The following HEATR5B variants were observed in gnomAD, a reference collection of about 807,000 sequenced individuals.
HEATR5B encodes the protein HEAT repeat-containing protein 5B.
Under a neutral mutation model 224.1 loss-of-function variants are expected in HEATR5B, and 156 were observed. The observed-to-expected ratio is 0.70, with a 90% CI of 0.61 to 0.80. The LOEUF is 0.80. Among genes scored for constraint, HEATR5B ranks in the 30% least tolerant of loss-of-function variants. The pLI is 0.00. For missense variants in HEATR5B, 2,323 were observed against 2,535.5 expected, an observed-to-expected ratio of 0.92 and a Z score of 1.80; for synonymous variants, 1,027 against 893.0, an observed-to-expected ratio of 1.15 and a Z score of -2.68.
chr2:36,982,278 G>T (rs182978016), intron 35 of HEATR5B, among the ~76,000 whole-genome samples: 45 of 152,172 alleles, frequency 3.0e-4, no homozygotes, highest in Non-Finnish European at 4.0e-4. Flanking sequence ...CTCACAGTGA[G>T]GGGAAATTCC....
chr2:36,984,225 T>TATATATATATATAAA (rs1665795003), intron 35 of HEATR5B, among the ~76,000 whole-genome samples: 2 of 75,300 alleles, frequency 2.7e-5, no homozygotes, highest in African/African-American at 1.2e-4. Flanking sequence ...AATATATATA[T>TATATATATATATAAA]ATATATATAT....
At position 37,064,745 on chromosome 2, in the gene HEATR5B, C is replaced by T; in HGVS notation, c.1579G>A (p.Gly527Arg). ...GTCTAGGATCTCCGTCATACCTTTC[C>T]TTTGGCATGAGGAATGCCCAAAGGA... ...QCPLGIPHAKGKMVVSIAEDL... is the reference protein window; with the variant it reads ...QCPLGIPHAKRKMVVSIAEDL... Residue 527 changes from glycine to arginine, a missense_variant, in exon 10 of 36, where the codon GGA (glycine) becomes AGA (arginine). This residue lies in a region of HEATR5B where 502 missense variants were observed against 517.8 expected (regional missense o/e 0.97). Coordinates refer to ENST00000233099, the MANE Select transcript of HEATR5B (RefSeq NM_019024.3). The T allele has an allele frequency of 1.2e-6, 2 of 1,613,966 alleles. No individual in the cohort carries two copies. The highest frequency in any genetic ancestry group is 2.2e-5 in the South Asian group (2 of 91,068).
Position 36,988,822 on chromosome 2 carries a change from AAG to A in HEATR5B, c.5733_5734del (p.Phe1912ProfsTer21). Reference sequence around the variant, plus strand: ...TGAAAGGGCACGATTGGAATGCTGGAAGACTGAGAGGAGAAGCTGGTAACATT... The same window carrying A: ...TGAAAGGGCACGATTGGAATGCTGGAACTGAGAGGAGAAGCTGGTAACATT... On this transcript the variant is annotated frameshift_variant, in exon 35 of 36. Coordinates refer to ENST00000233099, the MANE Select transcript of HEATR5B (RefSeq NM_019024.3). LOFTEE classifies it high-confidence loss of function. The A allele has an allele frequency of 2.5e-6, 4 of 1,614,128 alleles. No individual in the cohort carries two copies. The highest frequency in any genetic ancestry group is 3.4e-6 in the Non-Finnish European group (4 of 1,179,998).
intron 19 of HEATR5B, 102 bp downstream of exon 19, chr2:37,041,031 T>C (rs1196801650): frequency 1.1e-6 from 1 of 880,884 alleles, no homozygotes; most frequent in Non-Finnish European, 1.7e-6. Context: ...CCCTAATATA[T>C]TTGTCCTAAC....
intron 35 of HEATR5B, among the ~76,000 whole-genome samples, chr2:36,982,561 T>A (rs34321547): frequency 6.6e-6 from 1 of 152,166 alleles, no homozygotes; most frequent in African/African-American, 2.4e-5. Context: ...TTAATTACTG[T>A]TAATTTTTGT....
At chr2:37,081,307 G>A (rs1456230521) in intron 2 of HEATR5B, among the ~76,000 whole-genome samples, 2 of 152,140 alleles carry the variant, frequency 1.3e-5, no homozygotes, top group Non-Finnish European at 2.9e-5. Context: ...TGCCATGTTG[G>A]TGTGCTGCAC....
intron 26 of HEATR5B, among the ~76,000 whole-genome samples, chr2:37,018,176 G>GA (rs1235007308): frequency 4.5e-4 from 61 of 136,224 alleles, no homozygotes; most frequent in Admixed American, 5.8e-4. Context: ...CCTGCCACTA[G>GA]AAAAAAAAAA....
chr2:37,030,283 A>C (rs923001338), intron 22 of HEATR5B, among the ~76,000 whole-genome samples: 1 of 152,234 alleles, frequency 6.6e-6, no homozygotes, highest in African/African-American at 2.4e-5. Context: ...AGAAAAAGTT[A>C]AATGAAAGGG....
intron 35 of HEATR5B, among the ~76,000 whole-genome samples, chr2:36,986,882 G>A (rs1665983738): frequency 6.6e-6 from 1 of 152,098 alleles, no homozygotes; most frequent in Non-Finnish European, 1.5e-5. Flanking sequence ...CTCCCAAAGT[G>A]CTGGGATTAC....
chr2:36,998,691 T>C (rs913255105), intron 33 of HEATR5B, among the ~76,000 whole-genome samples: 1 of 152,120 alleles, frequency 6.6e-6, no homozygotes, highest in African/African-American at 2.4e-5. Context: ...AGAAACTATA[T>C]GGGAGTTAAA....
Position 37,070,406 on chromosome 2 carries a change from A to G in HEATR5B, c.770-19T>C, listed in dbSNP as rs758947441. 12 of 1,604,834 alleles carry G rather than the reference A, an allele frequency of 7.5e-6. No homozygotes were observed. In the South Asian group the frequency reaches 8.8e-5, roughly 12 times the overall value. On this transcript the variant is annotated intron_variant, in intron 6 of 35. Transcript: ENST00000233099. ...CGCATTACTTTCAAGAAGAAAAATT[A>G]AAGTATAAGCAAATATATTTCTGAG...
At chr2:36,991,338 C>T (rs1666314953) in intron 33 of HEATR5B, among the ~76,000 whole-genome samples, 2 of 151,334 alleles carry the variant, frequency 1.3e-5, no homozygotes, top group Non-Finnish European at 3.0e-5. Context: ...ACCAGCCTGA[C>T]CACAAAATTA....
chr2:37,000,859 A>G (rs773370801), intron 32 of HEATR5B, 46 bp from the exon 33 acceptor site: 2 of 1,269,260 alleles, frequency 1.6e-6, no homozygotes, highest in South Asian at 1.2e-5. Context: ...TTCAGTTCCC[A>G]TATTATAGTT....
At chr2:36,997,433 C>T (rs1277895251) in intron 33 of HEATR5B, among the ~76,000 whole-genome samples, 1 of 152,150 alleles carries the variant, frequency 6.6e-6, no homozygotes, top group Non-Finnish European at 1.5e-5. Flanking sequence ...AAGCGATCTA[C>T]CTGTCTCAGC....
chr2:37,020,960 A>C, intron 24 of HEATR5B, 124 bp from the exon 25 acceptor site: 1 of 592,482 alleles, frequency 1.7e-6, no homozygotes, highest in Non-Finnish European at 2.9e-6. Flanking sequence ...AACTTTGAAA[A>C]TAGCAAAGAT....
At chr2:36,995,253 C>T (rs1394794667) in intron 33 of HEATR5B, among the ~76,000 whole-genome samples, 2 of 151,942 alleles carry the variant, frequency 1.3e-5, no homozygotes, top group East Asian at 3.9e-4. Flanking sequence ...CCACACCCCG[C>T]TAAATTTTGT....
At chr2:37,075,374 AATCC>A (rs1160964919) in intron 5 of HEATR5B, 107 bp downstream of exon 5, 40 of 748,160 alleles carry the variant, frequency 5.3e-5, no homozygotes, top group Non-Finnish European at 8.1e-5. Context: ...AAATGAAACT[AATCC>A]ATTGGAACAC....
intron 26 of HEATR5B, 72 bp from the exon 27 acceptor site, chr2:37,014,092 T>A (rs1667961943): frequency 1.2e-6 from 1 of 838,414 alleles, no homozygotes; most frequent in Non-Finnish European, 1.8e-6. Context: ...AATAAATGAC[T>A]TTTTTCCTAG....
chr2:37,034,773 G>GT (rs1669374083), intron 21 of HEATR5B, among the ~76,000 whole-genome samples: 1 of 151,914 alleles, frequency 6.6e-6, no homozygotes, highest in South Asian at 2.1e-4. Context: ...GCCCAGGCTG[G>GT]TGTCAAACTC....
Sources: allele counts gnomAD v4.1 joint callset (sites outside exome capture counted in the v4.1 genomes callset), GRCh38; gene constraint gnomAD v4.1.1; regional missense constraint gnomAD v4.1.1; transcripts MANE v1.5; gene names NCBI Gene and HGNC (gene_info 2026-07-23, HGNC 2026-07-21).